The following IGSF21 variants were observed in gnomAD, a reference collection of about 807,000 sequenced individuals.
IGSF21 encodes the protein immunoglobin superfamily member 21, also known as immunoglobulin superfamily member 21.
IGSF21 carries 28 observed loss-of-function variants against 46.8 expected under a neutral mutation model. That is an observed-to-expected ratio of 0.60 (90% CI 0.44 to 0.82). IGSF21 has a LOEUF of 0.82. Ranked by LOEUF, IGSF21 falls within the 40% of genes least tolerant of loss-of-function variation. IGSF21 has a pLI of 0.00. For synonymous variants in IGSF21, 284 were observed against 273.6 expected, an observed-to-expected ratio of 1.04 and a Z score of -0.38; for missense variants, 624 against 665.5, an observed-to-expected ratio of 0.94 and a Z score of 0.69.
chr1:18,131,223 G>T (rs1028718151), intron 1 of IGSF21, among the ~76,000 whole-genome samples: 3 of 152,168 alleles, frequency 2.0e-5, no homozygotes, highest in African/African-American at 7.2e-5. Flanking sequence ...TTCTTCACGT[G>T]TCTCAGAAGC....
chr1:18,287,163 A>G (rs372514668), intron 2 of IGSF21, among the ~76,000 whole-genome samples: 1 of 137,666 alleles, frequency 7.3e-6, no homozygotes, highest in Non-Finnish European at 1.6e-5. Flanking sequence ...CCTGGGCGAC[A>G]GAGCGAGACT....
intron 1 of IGSF21, among the ~76,000 whole-genome samples, chr1:18,117,425 T>C (rs914168476): frequency 3.9e-5 from 6 of 152,212 alleles, no homozygotes; most frequent in African/African-American, 1.4e-4. Flanking sequence ...GGCTTTGTAG[T>C]CTAACCAGCT....
intron 1 of IGSF21, among the ~76,000 whole-genome samples, chr1:18,178,748 C>G (rs2086828496): frequency 6.6e-6 from 1 of 152,108 alleles, no homozygotes; most frequent in African/African-American, 2.4e-5. Context: ...GTCATCCCCC[C>G]TTCCCCTTCC....
chr1:18,273,039 C>CTTTTTTTT lies in IGSF21; in HGVS notation c.184-18809_184-18802dup, dbSNP rs760448516. ...CTTCTCCACTAGCAGCCAGACGGATCTTTTTTTTTTTTTTTTTTTTTTTTT... is the reference window on the plus strand; with the variant it reads ...CTTCTCCACTAGCAGCCAGACGGATCTTTTTTTTTTTTTTTTTTTTTTTTTTTTTTTTT... On this transcript the variant is annotated intron_variant, in intron 2 of 9. Transcript: ENST00000251296. Among the ~76,000 whole-genome samples the CTTTTTTTT allele has an allele frequency of 2.5e-3, 204 of 80,716 alleles. 18 individuals carry two copies. Among genetic ancestry groups the CTTTTTTTT allele is most frequent in the African/African-American group, 9.5e-3 (178 of 18,702 alleles). The allele number at this position is 80,716 out of a possible 152,430, so 53.0% of individuals were successfully genotyped here.
intron 2 of IGSF21, among the ~76,000 whole-genome samples, chr1:18,262,956 C>T (rs945370815): frequency 3.9e-5 from 6 of 152,212 alleles, no homozygotes; most frequent in Admixed American, 6.5e-5. Context: ...TTCCCCACCC[C>T]GGGGTAGCTC....
At chr1:18,191,396 AC>A (rs1270061519) in intron 1 of IGSF21, among the ~76,000 whole-genome samples, 3 of 152,188 alleles carry the variant, frequency 2.0e-5, no homozygotes, top group Non-Finnish European at 4.4e-5. Flanking sequence ...TGGATTACAC[AC>A]CTAGAGGAAT....
At chr1:18,118,886 C>A (rs2086209735) in intron 1 of IGSF21, among the ~76,000 whole-genome samples, 1 of 151,892 alleles carries the variant, frequency 6.6e-6, no homozygotes, top group African/African-American at 2.4e-5. Context: ...TCCCTCCCTC[C>A]CTTCTTTCTT....
intron 2 of IGSF21, among the ~76,000 whole-genome samples, chr1:18,262,028 GGCT>G (rs555349436): frequency 1.1e-4 from 17 of 152,308 alleles, no homozygotes; most frequent in African/African-American, 3.8e-4. Context: ...CACCTGAAGA[GGCT>G]TCTGAAACCT....
chr1:18,253,386 T>C (rs2084860940), intron 2 of IGSF21, among the ~76,000 whole-genome samples: 1 of 152,186 alleles, frequency 6.6e-6, no homozygotes, highest in Non-Finnish European at 1.5e-5. Flanking sequence ...GGGGAGCCAA[T>C]GCACACCCTT....
At chr1:18,348,087 A>T (rs1288841115) in intron 4 of IGSF21, among the ~76,000 whole-genome samples, 1 of 152,224 alleles carries the variant, frequency 6.6e-6, no homozygotes, top group Non-Finnish European at 1.5e-5. Context: ...TCCTTAGGAG[A>T]TGGGTATTTC....
At chr1:18,185,487 G>A (rs2086895068) in intron 1 of IGSF21, among the ~76,000 whole-genome samples, 2 of 152,178 alleles carry the variant, frequency 1.3e-5, no homozygotes, top group Admixed American at 1.3e-4. Flanking sequence ...ATTCCTAATG[G>A]CATCACTCAG....
At chr1:18,145,012 C>G (rs913087275) in intron 1 of IGSF21, among the ~76,000 whole-genome samples, 4 of 152,006 alleles carry the variant, frequency 2.6e-5, no homozygotes, top group Non-Finnish European at 4.4e-5. Context: ...CAAAAGATAA[C>G]TTTTTTTATT....
intron 1 of IGSF21, among the ~76,000 whole-genome samples, chr1:18,215,216 G>T: frequency 6.6e-6 from 1 of 152,288 alleles, no homozygotes; most frequent in South Asian, 2.1e-4. Flanking sequence ...CATATCACCT[G>T]TAGAACTTAT....
chr1:18,172,141 A>C (rs933409842), intron 1 of IGSF21, among the ~76,000 whole-genome samples: 16 of 152,230 alleles, frequency 1.1e-4, no homozygotes, highest in African/African-American at 3.9e-4. Flanking sequence ...TTAATTCATC[A>C]GCCCTAGAAT....
At chr1:18,348,042 G>A (rs1391667623) in intron 4 of IGSF21, among the ~76,000 whole-genome samples, 2 of 152,174 alleles carry the variant, frequency 1.3e-5, no homozygotes, top group East Asian at 1.9e-4. Context: ...GTTGCTCCAG[G>A]CACTTAAATA....
chr1:18,243,342 G>T (rs373448951), intron 2 of IGSF21, among the ~76,000 whole-genome samples: 1 of 152,076 alleles, frequency 6.6e-6, no homozygotes, highest in African/African-American at 2.4e-5. Context: ...AATCTAGGGC[G>T]TCTCTCCTAT....
chr1:18,173,148 C>T (rs1260249275), intron 1 of IGSF21, among the ~76,000 whole-genome samples: 5 of 151,998 alleles, frequency 3.3e-5, no homozygotes, highest in Admixed American at 1.3e-4. Flanking sequence ...ATTAGCCAGG[C>T]GTGGTGGCGG....
At chr1:18,207,116 G>A (rs2084336892) in intron 1 of IGSF21, among the ~76,000 whole-genome samples, 1 of 152,104 alleles carries the variant, frequency 6.6e-6, no homozygotes, top group Non-Finnish European at 1.5e-5. Flanking sequence ...TAGGACTGAG[G>A]TCCCGGCTTC....
intron 1 of IGSF21, among the ~76,000 whole-genome samples, chr1:18,150,414 G>T (rs866324407): frequency 3.3e-5 from 5 of 152,116 alleles, no homozygotes; most frequent in Admixed American, 2.0e-4. Context: ...ATGGCGGGGG[G>T]GGTCTCAGGA....
Sources: gnomAD v4.1 joint callset for allele counts (sites outside exome capture counted in the v4.1 genomes callset) on GRCh38, gnomAD v4.1.1 for gene constraint, MANE v1.5 for transcripts, NCBI Gene and HGNC (gene_info 2026-07-23, HGNC 2026-07-21) for gene names.